SUMF1: variants seen among roughly 807,000 people sequenced by gnomAD.
The protein encoded by SUMF1 is sulfatase modifying factor 1, also known as formylglycine-generating enzyme.
Under a neutral mutation model 47.6 loss-of-function variants are expected in SUMF1, and 48 were observed. The observed-to-expected ratio is 1.01, with a 90% CI of 0.80 to 1.28. The LOEUF (loss-of-function observed/expected upper bound fraction) is 1.28, where lower values mean the gene tolerates loss of function less well. Ranked by LOEUF, SUMF1 falls within the 50% of genes most tolerant of loss-of-function variation. The probability of loss-of-function intolerance (pLI) is 0.00; values close to 1 mark genes in which losing one functional copy is unlikely to be tolerated. For missense variants in SUMF1, 571 were observed against 485.4 expected, an observed-to-expected ratio of 1.18 and a Z score of -1.66; for synonymous variants, 230 against 192.1, an observed-to-expected ratio of 1.20 and a Z score of -1.63.
intron 3 of SUMF1, among the ~76,000 whole-genome samples, chr3:4,427,976 GAA>G (rs1433353864): frequency 6.6e-6 from 1 of 152,036 alleles, no homozygotes; most frequent in African/African-American, 2.4e-5. Context: ...AAAAATGAGA[GAA>G]ATATTTCTTA....
chr3:4,211,135 C>CAT (rs1349686672), intron 8 of SUMF1, among the ~76,000 whole-genome samples: 2 of 96,642 alleles, frequency 2.1e-5, no homozygotes, highest in Non-Finnish European at 4.3e-5. Flanking sequence ...CACACACACA[C>CAT]ATATATACAT....
intron 8 of SUMF1, among the ~76,000 whole-genome samples, chr3:4,110,629 G>A (rs1429416089): frequency 1.3e-5 from 2 of 151,954 alleles, no homozygotes; most frequent in Non-Finnish European, 2.9e-5. Context: ...TTAAGAAAAT[G>A]TGGCACATAT....
At chr3:4,391,574 G>A (rs933303900) in intron 7 of SUMF1, among the ~76,000 whole-genome samples, 6 of 151,990 alleles carry the variant, frequency 3.9e-5, no homozygotes, top group African/African-American at 7.2e-5. Context: ...CCTTGACTTC[G>A]TGGGCCCAGG....
intron 8 of SUMF1, among the ~76,000 whole-genome samples, chr3:4,259,586 T>G (rs997473287): frequency 6.6e-6 from 1 of 152,106 alleles, no homozygotes; most frequent in Admixed American, 6.5e-5. Context: ...TTTCTATCAA[T>G]ACATCTCAGT....
chr3:4,071,302 A>C (rs1275471419), intron 8 of SUMF1, among the ~76,000 whole-genome samples: 2 of 152,152 alleles, frequency 1.3e-5, no homozygotes, highest in Admixed American at 1.3e-4. Flanking sequence ...CTGGATGGAC[A>C]GTGGGTGCAG....
intron 8 of SUMF1, among the ~76,000 whole-genome samples, chr3:4,132,087 C>T (rs180874819): frequency 3.3e-4 from 51 of 152,252 alleles, no homozygotes; most frequent in Non-Finnish European, 5.3e-4. Context: ...TATTGGACCT[C>T]TTCCATCATG....
At chr3:4,353,785 A>G (rs372549613) in intron 8 of SUMF1, among the ~76,000 whole-genome samples, 17 of 152,130 alleles carry the variant, frequency 1.1e-4, no homozygotes, top group African/African-American at 3.4e-4. Context: ...AACCTCCTAC[A>G]ACAGGTTGTA....
intron 8 of SUMF1, among the ~76,000 whole-genome samples, chr3:4,183,266 G>C (rs1559545423): frequency 1.3e-5 from 2 of 152,078 alleles, no homozygotes; most frequent in Non-Finnish European, 2.9e-5. Flanking sequence ...CTAGATTAAA[G>C]TAAAACAAAA....
intron 8 of SUMF1, among the ~76,000 whole-genome samples, chr3:4,293,629 C>A (rs547607400): frequency 6.6e-6 from 1 of 152,110 alleles, no homozygotes; most frequent in Non-Finnish European, 1.5e-5. Flanking sequence ...TAATAACATT[C>A]GAATGTCACA....
intron 8 of SUMF1, among the ~76,000 whole-genome samples, chr3:4,368,801 A>G (rs907635453): frequency 6.6e-6 from 1 of 152,164 alleles, no homozygotes; most frequent in Non-Finnish European, 1.5e-5. Flanking sequence ...AAGCCTCCAC[A>G]TGCCAAAAAT....
intron 8 of SUMF1, among the ~76,000 whole-genome samples, chr3:4,266,161 C>T (rs186328736): frequency 0.018 from 2,797 of 152,208 alleles, 87 homozygotes; most frequent in African/African-American, 0.063. Flanking sequence ...AGTCAGGTAG[C>T]GTGATGCCTC....
chr3:4,370,589 G>A (rs1700138548), intron 8 of SUMF1, among the ~76,000 whole-genome samples: 1 of 152,124 alleles, frequency 6.6e-6, no homozygotes, highest in African/African-American at 2.4e-5. Flanking sequence ...CCAAAGCACT[G>A]GGTTGAGGAT....
intron 8 of SUMF1, among the ~76,000 whole-genome samples, chr3:4,168,475 T>C (rs1395695786): frequency 1.3e-5 from 2 of 152,178 alleles, no homozygotes; most frequent in East Asian, 3.8e-4. Context: ...ACATCACTAA[T>C]CATTAAACTA....
intron 8 of SUMF1, among the ~76,000 whole-genome samples, chr3:4,167,812 T>G (rs1385041808): frequency 6.6e-6 from 1 of 152,112 alleles, no homozygotes; most frequent in Non-Finnish European, 1.5e-5. Context: ...AGGTAATATA[T>G]CTCTTGCTAA....
At chr3:4,187,600 G>C (rs567386853) in intron 8 of SUMF1, among the ~76,000 whole-genome samples, 86 of 152,250 alleles carry the variant, frequency 5.6e-4, no homozygotes, top group Middle Eastern at 3.4e-3. Flanking sequence ...GAATTTTATT[G>C]AGGGTTTCCC....
At chr3:4,245,189 C>T (rs1222030026) in intron 8 of SUMF1, among the ~76,000 whole-genome samples, 1 of 152,096 alleles carries the variant, frequency 6.6e-6, no homozygotes, top group African/African-American at 2.4e-5. Context: ...GGAACATCCT[C>T]CTTTAGCTCG....
At chr3:4,046,735 T>A (rs1351032282) in intron 9 of SUMF1, among the ~76,000 whole-genome samples, 3 of 152,296 alleles carry the variant, frequency 2.0e-5, no homozygotes, top group Admixed American at 2.0e-4. Flanking sequence ...AATTAGACTA[T>A]TGAAATAAAA....
At chr3:4,252,723 C>G (rs565574956) in intron 8 of SUMF1, among the ~76,000 whole-genome samples, 4 of 152,166 alleles carry the variant, frequency 2.6e-5, no homozygotes, top group Non-Finnish European at 4.4e-5. Context: ...AGGGGAAAAT[C>G]CATTCTTTCA....
At chr3:4,321,939 T>C (rs1485624155) in intron 8 of SUMF1, among the ~76,000 whole-genome samples, 2 of 152,266 alleles carry the variant, frequency 1.3e-5, no homozygotes, top group South Asian at 2.1e-4. Flanking sequence ...ATCATGTTGG[T>C]AGTATATGCC....
Sources: gnomAD v4.1 joint callset for allele counts (sites outside exome capture counted in the v4.1 genomes callset) on GRCh38, gnomAD v4.1.1 for gene constraint, MANE v1.5 for transcripts, NCBI Gene and HGNC (gene_info 2026-07-23, HGNC 2026-07-21) for gene names.